The following SPART variants were observed in gnomAD, a reference collection of about 807,000 sequenced individuals.
SPART encodes the protein spartin, also known as spastic paraplegia 20 (Troyer syndrome).
Under a neutral mutation model 58.7 loss-of-function variants are expected in SPART, and 35 were observed. That is an observed-to-expected ratio of 0.60 (90% confidence interval 0.46 to 0.79). The LOEUF is 0.79. SPART is among the 30% of genes least tolerant of loss of function. SPART has a pLI of 0.00. For synonymous variants in SPART, 284 were observed against 280.7 expected, an observed-to-expected ratio of 1.01 and a Z score of -0.12; for missense variants, 730 against 786.1, an observed-to-expected ratio of 0.93 and a Z score of 0.85.
chr13:36,349,370 A>G (rs79506180), upstream of SPART, among the ~76,000 whole-genome samples: 6 of 152,362 alleles, frequency 3.9e-5, no homozygotes, highest in South Asian at 2.1e-4. Context: ...ACTGCTAGCC[A>G]TAGTAGTCTA....
upstream of SPART, among the ~76,000 whole-genome samples, chr13:36,347,188 C>T (rs536384492): frequency 1.6e-4 from 25 of 151,848 alleles, no homozygotes; most frequent in Non-Finnish European, 3.4e-4. Context: ...TGTACTTGCC[C>T]GGAGCATTTA....
Position 36,326,590 on chromosome 13 carries a change from G to A in SPART, c.1273C>T (p.His425Tyr), listed in dbSNP as rs1882953409. 2.5e-6 allele frequency: 4 copies of A among 1,613,288 alleles called. No individual in the cohort carries two copies. The highest frequency in any genetic ancestry group is 1.3e-5 in the African/African-American group (1 of 74,834). ...ELPEWSEKVAHNILSGASWVS... is the reference protein window; with the variant it reads ...ELPEWSEKVAYNILSGASWVS... ...ACTGTAATACCTGACAAAATGTTGTGAGCCACTTTTTCACTCCATTCAGGT... is the reference window on the plus strand; with the variant it reads ...ACTGTAATACCTGACAAAATGTTGTAAGCCACTTTTTCACTCCATTCAGGT... Residue 425 changes from histidine (H) to tyrosine (Y), a missense_variant, in exon 5 of 9, where the codon CAC (histidine) becomes TAC (tyrosine). His to Tyr is a moderately conservative substitution (Grantham distance 83). Coordinates refer to ENST00000438666, the MANE Select transcript of SPART (RefSeq NM_015087.5).
chr13:36,366,085 A>T (rs759509807), intron 1 of SPART, among the ~76,000 whole-genome samples: 7 of 152,180 alleles, frequency 4.6e-5, no homozygotes, highest in Non-Finnish European at 8.8e-5. Context: ...CGTCCTGCTT[A>T]AAAACCTTGA....
chr13:36,346,262 C>G lies in SPART; in HGVS notation c.-40G>C, dbSNP rs1593283931. ...GACCTCGGGCGCCCCGGCGTTGCCTCGAGAGCTCCCTGCGCGGCCGCCGCG... is the reference window on the plus strand; with the variant it reads ...GACCTCGGGCGCCCCGGCGTTGCCTGGAGAGCTCCCTGCGCGGCCGCCGCG... On this transcript the variant is annotated 5_prime_UTR_variant, in exon 1 of 9. Transcript: ENST00000438666. 1 of 152,028 alleles carries G rather than the reference C, an allele frequency of 6.6e-6. No homozygotes were observed. Among genetic ancestry groups the G allele is most frequent in the Non-Finnish European group, 1.5e-5 (1 of 68,164 alleles). 9.4% of individuals were successfully genotyped at this position (152,028 alleles called of 1,614,324 possible).
intron 2 of SPART, among the ~76,000 whole-genome samples, chr13:36,333,723 T>C (rs1288420574): frequency 6.6e-6 from 1 of 152,174 alleles, no homozygotes. Flanking sequence ...CCATCTCCAG[T>C]TGCTAAGGAC....
chr13:36,331,623 A>T (rs1566127949), intron 2 of SPART, 27 bp from the exon 3 acceptor site: 15 of 1,486,942 alleles, frequency 1.0e-5, no homozygotes, highest in Admixed American at 3.4e-5. Flanking sequence ...GAAGAAAAAA[A>T]ATATACATAT....
At chr13:36,312,292 T>G in intron 7 of SPART, 27 bp downstream of exon 7, 1 of 1,614,014 alleles carries the variant, frequency 6.2e-7, no homozygotes, top group Non-Finnish European at 8.5e-7. Flanking sequence ...CGGACCTTCA[T>G]AGTTAAAATT....
rs9670796 is a variant in SPART at position 36,343,419 on chromosome 13, T to C, written c.-3+2806A>G. 1.1e-3 allele frequency among the ~76,000 whole-genome samples: 172 copies of C among 152,260 alleles called. 1 individual carries two copies. Among genetic ancestry groups the C allele is most frequent in the African/African-American group, 3.8e-3 (156 of 41,540 alleles). ...AAATTGATGGTGATGGATATAAAAC[T>C]ACAAAGATATGATACCCCACTGAAT... On this transcript the variant is annotated intron_variant, in intron 1 of 8. Transcript: ENST00000438666.
intron 1 of SPART, chr13:36,368,113 T>C: frequency 2.3e-6 from 1 of 426,828 alleles, no homozygotes; most frequent in African/African-American, 2.1e-5. Flanking sequence ...TTATCACTTT[T>C]CTTTCAAGGA....
chr13:36,312,294 G>A (rs755859870), intron 7 of SPART, 25 bp downstream of exon 7: 1 of 1,613,930 alleles, frequency 6.2e-7, no homozygotes, highest in South Asian at 1.1e-5. Context: ...GACCTTCATA[G>A]TTAAAATTCT....
At chr13:36,335,961 A>G (rs892588731) in intron 1 of SPART, 129 bp from the exon 2 acceptor site, 19 of 742,276 alleles carry the variant, frequency 2.6e-5, no homozygotes, top group South Asian at 2.0e-4. Context: ...CTATTATACT[A>G]TCCTTTAAGC....
At chr13:36,334,606 T>G (rs1225154255) in intron 2 of SPART, among the ~76,000 whole-genome samples, 3 of 152,142 alleles carry the variant, frequency 2.0e-5, no homozygotes, top group African/African-American at 4.8e-5. Flanking sequence ...TGAGAACAAC[T>G]GTTCTGGACC....
At chr13:36,308,962 T>C (rs1269260691) in intron 8 of SPART, among the ~76,000 whole-genome samples, 1 of 152,116 alleles carries the variant, frequency 6.6e-6, no homozygotes, top group Non-Finnish European at 1.5e-5. Flanking sequence ...ACTGATACTC[T>C]GGCCAGGTGT....
intron 2 of SPART, among the ~76,000 whole-genome samples, chr13:36,334,606 T>C (rs1225154255): frequency 6.6e-6 from 1 of 152,142 alleles, no homozygotes; most frequent in Non-Finnish European, 1.5e-5. Context: ...TGAGAACAAC[T>C]GTTCTGGACC....
At chr13:36,329,255 ACAAGTTGCTTTGCTTTAGTATATGGG>A (rs1883235791) in intron 4 of SPART, 81 bp downstream of exon 4, 1 of 1,248,880 alleles carries the variant, frequency 8.0e-7, no homozygotes, top group Non-Finnish European at 1.2e-6. Context: ...TGACTAATGC[ACAAGTTGCTTTGCTTTAGTATATGGG>A]AATATGATCA....
In SPART at chr13:36,361,693, G is replaced by T. The variant is rs569665457; in HGVS notation, c.-3+8396C>A. Among the ~76,000 whole-genome samples the T allele has an allele frequency of 5.3e-4, 80 of 152,186 alleles. 1 individual carries two copies. Among genetic ancestry groups the T allele is most frequent in the African/African-American group, 1.7e-3 (71 of 41,538 alleles). ...TGCTTACACCACGCCTGGCCCCTTT[G>T]CATCACCCTAAAACCGCCTTTTCAT... On this transcript the variant is annotated intron_variant, in intron 1 of 8. Coordinates refer to the SPART transcript ENST00000355182.
chr13:36,352,517 A>C (rs771726378), intron 1 of SPART, among the ~76,000 whole-genome samples: 1 of 152,228 alleles, frequency 6.6e-6, no homozygotes, highest in Non-Finnish European at 1.5e-5. Flanking sequence ...CCTAGATTCA[A>C]GATGAGTCAC....
At position 36,335,708 on chromosome 13, in the gene SPART, T is replaced by G. The variant is rs749355386; in HGVS notation, c.123A>C (p.Glu41Asp). The change falls in exon 2 of 9, where the codon GAA (glutamate) becomes GAC (aspartate). Residue 41 changes from glutamate to aspartate, a missense_variant. Coordinates refer to ENST00000438666, the MANE Select transcript of SPART (RefSeq NM_015087.5). Reference protein sequence around the residue: ...LNTDELGQKEEAKNYYKQGIG... With the variant: ...LNTDELGQKEDAKNYYKQGIG... ...TTCCTTGCTTATAGTAGTTCTTTGC[T>G]TCTTCCTTCTGACCTAATTCATCTG... 4.7e-5 allele frequency: 76 copies of G among 1,614,188 alleles called. No individual in the cohort carries two copies. Among genetic ancestry groups the G allele is most frequent in the Admixed American group, 8.3e-5 (5 of 60,026 alleles).
intron 8 of SPART, among the ~76,000 whole-genome samples, chr13:36,309,550 C>T (rs1332786173): frequency 7.2e-6 from 1 of 139,460 alleles, no homozygotes; most frequent in Admixed American, 7.3e-5. Flanking sequence ...GAATACTACA[C>T]AGCCCTAAAA....
Sources: gnomAD v4.1 joint callset for allele counts (sites outside exome capture counted in the v4.1 genomes callset) on GRCh38, gnomAD v4.1.1 for gene constraint, MANE v1.5 for transcripts, NCBI Gene and HGNC (gene_info 2026-07-23, HGNC 2026-07-21) for gene names.